BBS12: variants seen among roughly 807,000 people sequenced by gnomAD.
BBS12 encodes Bardet-Biedl syndrome 12.
BBS12 carries 5 observed loss-of-function variants against 5.6 expected under a neutral mutation model. That is an observed-to-expected ratio of 0.89 (90% CI 0.46 to 1.86). The LOEUF (loss-of-function observed/expected upper bound fraction) is 1.86, where lower values mean the gene tolerates loss of function less well. Ranked by LOEUF, BBS12 falls within the 40% of genes most tolerant of loss-of-function variation. The probability of loss-of-function intolerance (pLI) is 0.01; values close to 1 mark genes in which losing one functional copy is unlikely to be tolerated. For synonymous variants in BBS12, 308 were observed against 306.8 expected, an observed-to-expected ratio of 1.00 and a Z score of -0.04; for missense variants, 748 against 830.4, an observed-to-expected ratio of 0.90 and a Z score of 1.22.
upstream of BBS12, chr4:122,729,322 C>A (rs1307954041): frequency 2.0e-5 from 3 of 152,240 alleles, no homozygotes; most frequent in African/African-American, 7.2e-5. Flanking sequence ...GTGTTCCAGG[C>A]CCAAGGCCCA....
rs1195341481 is a variant in BBS12 at position 122,743,263 on chromosome 4, T to TA, written c.1372dup (p.Thr458AsnfsTer5). ...CAGGAGCAGTACAGGTGGCCTACAT[T>TA]ACACAAGTGAATGAAGATTGTGTGG... On this transcript the variant is annotated frameshift_variant, in exon 2 of 2. Coordinates refer to ENST00000314218, the MANE Select transcript of BBS12 (RefSeq NM_152618.3). LOFTEE classifies it low-confidence loss of function (END_TRUNC). 1.2e-6 allele frequency: 2 copies of TA among 1,614,216 alleles called. No homozygotes were observed. The highest frequency in any genetic ancestry group is 4.5e-5 in the East Asian group (2 of 44,892).
chr4:122,716,882 C>T, the BBS12 span, among the ~76,000 whole-genome samples: 2 of 152,180 alleles, frequency 1.3e-5, no homozygotes, highest in East Asian at 3.9e-4. Flanking sequence ...AATTTCTTTA[C>T]ATTTTCCCCT....
At chr4:122,716,695 GTGTGTGTATACATA>G in the BBS12 span, among the ~76,000 whole-genome samples, 1 of 109,718 alleles carries the variant, frequency 9.1e-6, no homozygotes, top group African/African-American at 3.9e-5. Context: ...ATATGTGTAT[GTGTGTGTATACATA>G]CACATATGTG....
chr4:122,716,671 GTGTA>G, the BBS12 span, among the ~76,000 whole-genome samples: 72 of 61,256 alleles, frequency 1.2e-3, 2 homozygotes, highest in South Asian at 0.012. Flanking sequence ...ATACACATAT[GTGTA>G]TATATACACA....
At chr4:122,708,531 T>C in the BBS12 span, among the ~76,000 whole-genome samples, 1 of 152,134 alleles carries the variant, frequency 6.6e-6, no homozygotes, top group Non-Finnish European at 1.5e-5. Context: ...ATATATGGTA[T>C]ATTTCTTTTA....
the BBS12 span, among the ~76,000 whole-genome samples, chr4:122,704,128 G>A: frequency 1.3e-5 from 2 of 152,224 alleles, no homozygotes; most frequent in Non-Finnish European, 2.9e-5. Context: ...GGGATTACAC[G>A]TGTGAGTCAC....
chr4:122,732,693 T>TCC (rs1178480369), upstream of BBS12: 3 of 152,522 alleles, frequency 2.0e-5, no homozygotes, highest in South Asian at 2.1e-4. Flanking sequence ...AACTTCTCTC[T>TCC]CCAGCTGTGT....
At chr4:122,712,851 C>G in the BBS12 span, among the ~76,000 whole-genome samples, 1 of 152,104 alleles carries the variant, frequency 6.6e-6, no homozygotes, top group Non-Finnish European at 1.5e-5. Context: ...TGTGTAAGCA[C>G]TGTGTGTGTG....
At chr4:122,719,204 T>C in the BBS12 span, among the ~76,000 whole-genome samples, 3 of 152,162 alleles carry the variant, frequency 2.0e-5, no homozygotes, top group East Asian at 1.9e-4. Context: ...CTTTTCTGTC[T>C]AGCTAAAAAA....
In BBS12 at chr4:122,743,359, A is replaced by C; in HGVS notation, c.1467A>C (p.Ala489=). The change falls in exon 2 of 2, where the codon GCA becomes GCC. Residue 489 remains alanine, a synonymous_variant. Coordinates refer to ENST00000314218, the MANE Select transcript of BBS12 (RefSeq NM_152618.3). ...LDVVDRNNRI[A]ILLKTEGINL... is the part of the protein sequence containing the mutation. The stretch of plus-strand genomic sequence containing the variant: ...TTGTAGATAGGAACAACAGAATCGC[A>C]ATCTTATTAAAAACAGAAGGAATTA... 5.6e-6 allele frequency: 9 copies of C among 1,614,222 alleles called. No homozygotes were observed. The highest frequency in any genetic ancestry group is 7.6e-6 in the Non-Finnish European group (9 of 1,180,046).
Position 122,742,870 on chromosome 4 carries a change from T to G in BBS12, c.978T>G (p.Thr326=). Residue 326 remains threonine (T), a synonymous_variant, in exon 2 of 2, where the codon ACT becomes ACG. Coordinates refer to ENST00000314218, the MANE Select transcript of BBS12 (RefSeq NM_152618.3). ...GCTGTCTACCAGGCTTACCTGAAAC[T>G]TCTTCTTGTGTTTGTCCAGGATATA... is the stretch of plus-strand genomic sequence containing the variant. ...FTCCLPGLPE[T]SSCVCPGYIT... is the part of the protein sequence containing the mutation. The G allele has an allele frequency of 8.7e-6, 14 of 1,613,854 alleles. No homozygotes were observed. The highest frequency in any genetic ancestry group is 1.2e-5 in the Non-Finnish European group (14 of 1,179,800).
At chr4:122,716,686 T>TATGTGTGTATATACAC in the BBS12 span, among the ~76,000 whole-genome samples, 5 of 66,066 alleles carry the variant, frequency 7.6e-5, no homozygotes, top group African/African-American at 2.8e-4. Context: ...TATATACACA[T>TATGTGTGTATATACAC]ATGTGTATGT....
the BBS12 span, among the ~76,000 whole-genome samples, chr4:122,727,580 C>G: frequency 2.3e-5 from 1 of 43,860 alleles, no homozygotes; most frequent in East Asian, 1.9e-3. Flanking sequence ...GATGGAGTCT[C>G]ACTCACTCTG....
chr4:122,733,996 C>G (rs1382330435), intron 1 of BBS12: 2 of 150,958 alleles, frequency 1.3e-5, no homozygotes, highest in African/African-American at 2.4e-5. Context: ...GCACATTTTC[C>G]AAAGCCATCA....
intron 1 of BBS12, among the ~76,000 whole-genome samples, chr4:122,735,206 G>C (rs1800768365): frequency 6.6e-6 from 1 of 152,182 alleles, no homozygotes. Context: ...TGAGGCATTT[G>C]CGTTGGGTCA....
chr4:122,731,560 A>G (rs1227240161), upstream of BBS12: 1 of 152,222 alleles, frequency 6.6e-6, no homozygotes, highest in African/African-American at 2.4e-5. Flanking sequence ...TATCATTTTT[A>G]TACTCATAAT....
chr4:122,714,785 A>C, the BBS12 span, among the ~76,000 whole-genome samples: 1 of 152,150 alleles, frequency 6.6e-6, no homozygotes, highest in African/African-American at 2.4e-5. Context: ...GAAATAAGTC[A>C]AGCTTTAAAA....
chr4:122,726,236 A>C, the BBS12 span, among the ~76,000 whole-genome samples: 2 of 152,188 alleles, frequency 1.3e-5, no homozygotes, highest in Non-Finnish European at 2.9e-5. Flanking sequence ...AAGAAAAAAA[A>C]CGATGCCATC....
At chr4:122,712,838 TTG>T in the BBS12 span, among the ~76,000 whole-genome samples, 1 of 152,232 alleles carries the variant, frequency 6.6e-6, no homozygotes, top group Non-Finnish European at 1.5e-5. Flanking sequence ...AACGTTGACT[TTG>T]TGTGTAAGCA....
Sources: gnomAD v4.1 joint callset for allele counts (sites outside exome capture counted in the v4.1 genomes callset) on GRCh38, gnomAD v4.1.1 for gene constraint, MANE v1.5 for transcripts, NCBI Gene and HGNC (gene_info 2026-07-23, HGNC 2026-07-21) for gene names.